Variants in DLEU7 observed in about 807,000 individuals in gnomAD.
DLEU7 encodes deleted in lymphocytic leukemia 7.
Under a neutral mutation model 16.0 loss-of-function variants are expected in DLEU7, and 17 were observed. The observed-to-expected ratio is 1.06, with a 90% CI of 0.73 to 1.59. The LOEUF (loss-of-function observed/expected upper bound fraction) is 1.59, where lower values mean the gene tolerates loss of function less well. Ranked by LOEUF, DLEU7 falls within the 40% of genes most tolerant of loss-of-function variation. DLEU7 has a pLI of 0.00. For missense variants in DLEU7, 308 were observed against 314.9 expected (o/e 0.98, Z 0.17); for synonymous variants, 113 against 139.8 (o/e 0.81, Z 1.35).
chr13:50,736,380 G>A (rs1457503585), intron 1 of DLEU7, among the ~76,000 whole-genome samples: 1 of 152,016 alleles, frequency 6.6e-6, no homozygotes, highest in Non-Finnish European at 1.5e-5. Flanking sequence ...AGGGAGAGGA[G>A]CAGAATAAAT....
chr13:50,745,697 G>T (rs141377288), intron 1 of DLEU7, among the ~76,000 whole-genome samples: 1 of 152,068 alleles, frequency 6.6e-6, no homozygotes, highest in East Asian at 1.9e-4. Context: ...AAATGAAACC[G>T]AGTGACAGCA....
intron 1 of DLEU7, among the ~76,000 whole-genome samples, chr13:50,796,873 C>T (rs572412609): frequency 6.6e-6 from 1 of 152,082 alleles, no homozygotes; most frequent in Non-Finnish European, 1.5e-5. Flanking sequence ...ATCCCAACAC[C>T]CCATCTGACC....
chr13:50,723,415 TACACACACACACACAC>T (rs35069706), intron 1 of DLEU7, among the ~76,000 whole-genome samples: 1 of 148,268 alleles, frequency 6.7e-6, no homozygotes, highest in Non-Finnish European at 1.5e-5. Flanking sequence ...ACAATAATTG[TACACACACACACACAC>T]ACACACACAC....
exon 2 of DLEU7, chr13:50,712,850 A>G (rs1464168860): frequency 4.4e-6 from 1 of 228,282 alleles, no homozygotes. Context: ...TACATTCTGA[A>G]AAGCGACTAT....
intron 1 of DLEU7, among the ~76,000 whole-genome samples, chr13:50,838,463 A>G (rs1877542958): frequency 6.6e-6 from 1 of 152,262 alleles, no homozygotes; most frequent in Non-Finnish European, 1.5e-5. Context: ...CTAACGGTCC[A>G]TATGTGAATT....
chr13:50,802,359 A>G (rs952232775), intron 1 of DLEU7, among the ~76,000 whole-genome samples: 10 of 152,272 alleles, frequency 6.6e-5, no homozygotes, highest in African/African-American at 2.4e-4. Flanking sequence ...TAAACAGAGT[A>G]GGTCAGAAAG....
intron 1 of DLEU7, among the ~76,000 whole-genome samples, chr13:50,752,473 A>T (rs1874598570): frequency 1.3e-5 from 2 of 152,092 alleles, no homozygotes; most frequent in Admixed American, 6.5e-5. Context: ...TCTTGGTCTC[A>T]CTGACTTCAA....
At chr13:50,829,619 T>A (rs1403252022) in intron 1 of DLEU7, among the ~76,000 whole-genome samples, 1 of 152,246 alleles carries the variant, frequency 6.6e-6, no homozygotes, top group African/African-American at 2.4e-5. Flanking sequence ...CCTGAGGCCC[T>A]GGGCAAACTT....
At chr13:50,763,132 A>G (rs1459822739) in intron 1 of DLEU7, among the ~76,000 whole-genome samples, 1 of 152,192 alleles carries the variant, frequency 6.6e-6, no homozygotes, top group Admixed American at 6.5e-5. Flanking sequence ...GATGTGTGAG[A>G]TGCAGAGGGG....
chr13:50,757,796 T>A (rs1874807531), intron 1 of DLEU7, among the ~76,000 whole-genome samples: 2 of 152,208 alleles, frequency 1.3e-5, no homozygotes, highest in African/African-American at 4.8e-5. Context: ...AGCAATGTGA[T>A]GTTAGCAAAA....
chr13:50,734,414 A>G (rs1246322499), intron 1 of DLEU7, among the ~76,000 whole-genome samples: 1 of 152,134 alleles, frequency 6.6e-6, no homozygotes, highest in Non-Finnish European at 1.5e-5. Context: ...GGCCCTCAAA[A>G]TAAGATTTTT....
intron 1 of DLEU7, among the ~76,000 whole-genome samples, chr13:50,784,582 G>A (rs531872690): frequency 6.6e-6 from 1 of 152,316 alleles, no homozygotes; most frequent in African/African-American, 2.4e-5. Context: ...AAGTGTTCAA[G>A]TGCATTTTCT....
At chr13:50,836,884 G>A (rs1285523522) in intron 1 of DLEU7, among the ~76,000 whole-genome samples, 19 of 152,126 alleles carry the variant, frequency 1.2e-4, no homozygotes, top group African/African-American at 4.1e-4. Flanking sequence ...CTACATAAAA[G>A]GGGAGTGATG....
At chr13:50,816,483 A>G (rs1039681554) in intron 1 of DLEU7, among the ~76,000 whole-genome samples, 2 of 152,194 alleles carry the variant, frequency 1.3e-5, no homozygotes, top group Admixed American at 6.5e-5. Context: ...TTATTTATGT[A>G]TAAAAGAATA....
intron 1 of DLEU7, among the ~76,000 whole-genome samples, chr13:50,731,988 T>C (rs2137717184): frequency 6.6e-6 from 1 of 152,330 alleles, no homozygotes; most frequent in East Asian, 1.9e-4. Context: ...TATACACTCA[T>C]ACTTTGCAAT....
chr13:50,713,593 C>T (rs1873355740), intron 1 of DLEU7, among the ~76,000 whole-genome samples: 1 of 152,126 alleles, frequency 6.6e-6, no homozygotes, highest in Admixed American at 6.5e-5. Context: ...AGCTGCCCTT[C>T]ACTCTATGGA....
At chr13:50,753,646 C>T (rs911009946) in intron 1 of DLEU7, among the ~76,000 whole-genome samples, 2 of 152,158 alleles carry the variant, frequency 1.3e-5, no homozygotes, top group Admixed American at 6.5e-5. Flanking sequence ...CGCACTGGCC[C>T]GCAAGCACCG....
intron 1 of DLEU7, among the ~76,000 whole-genome samples, chr13:50,827,226 A>G (rs1877115253): frequency 6.6e-6 from 1 of 152,232 alleles, no homozygotes; most frequent in African/African-American, 2.4e-5. Context: ...TGACATGTCG[A>G]ATGGAGTGGC....
chr13:50,767,474 A>C (rs1368871404), intron 1 of DLEU7, among the ~76,000 whole-genome samples: 1 of 151,434 alleles, frequency 6.6e-6, no homozygotes, highest in Non-Finnish European at 1.5e-5. Context: ...AAAAAAAAAA[A>C]AAAACTCCAG....
Sources: gnomAD v4.1 joint callset for allele counts (sites outside exome capture counted in the v4.1 genomes callset) on GRCh38, gnomAD v4.1.1 for gene constraint, MANE v1.5 for transcripts, NCBI Gene and HGNC (gene_info 2026-07-23, HGNC 2026-07-21) for gene names.